DNER: variants seen among roughly 807,000 people sequenced by gnomAD.
DNER encodes the protein delta/notch like EGF repeat containing.
Under a neutral mutation model 78.2 loss-of-function variants are expected in DNER, and 33 were observed. The observed-to-expected ratio is 0.42, with a 90% CI of 0.32 to 0.56. The LOEUF (loss-of-function observed/expected upper bound fraction) is 0.56, where lower values mean the gene tolerates loss of function less well. Among genes scored for constraint, DNER ranks in the 20% least tolerant of loss-of-function variants. The pLI is 0.11. For missense variants in DNER, 918 were observed against 975.3 expected (o/e 0.94, Z 0.78); for synonymous variants, 417 against 384.8 (o/e 1.08, Z -0.98).
intron 8 of DNER, among the ~76,000 whole-genome samples, chr2:229,426,333 C>A (rs1021675393): frequency 6.6e-6 from 1 of 151,040 alleles, no homozygotes; most frequent in Non-Finnish European, 1.5e-5. Flanking sequence ...CCCAGCTACT[C>A]CAGAGGCTGA....
At chr2:229,387,521 A>G (rs760824276) in intron 11 of DNER, among the ~76,000 whole-genome samples, 2,349 of 115,494 alleles carry the variant, frequency 0.02, 14 homozygotes, top group Middle Eastern at 0.05. Flanking sequence ...GAAAGAAAGA[A>G]AGAAAGAAAG....
intron 6 of DNER, among the ~76,000 whole-genome samples, chr2:229,485,290 T>C (rs1695247732): frequency 6.6e-6 from 1 of 152,048 alleles, no homozygotes; most frequent in Non-Finnish European, 1.5e-5. Context: ...TGAAATACAG[T>C]CCCTGACATA....
intron 1 of DNER, among the ~76,000 whole-genome samples, chr2:229,605,439 T>A (rs769510667): frequency 1.3e-5 from 2 of 152,338 alleles, no homozygotes; most frequent in Non-Finnish European, 2.9e-5. Context: ...ACAGTACTGA[T>A]CATTCAAATT....
intron 4 of DNER, among the ~76,000 whole-genome samples, chr2:229,549,340 C>A (rs925655989): frequency 6.6e-6 from 1 of 152,202 alleles, no homozygotes; most frequent in South Asian, 2.1e-4. Context: ...GAGTCTCACT[C>A]TGTTGCCCAG....
intron 4 of DNER, among the ~76,000 whole-genome samples, chr2:229,585,056 G>C (rs1333931960): frequency 6.6e-6 from 1 of 152,124 alleles, no homozygotes; most frequent in Non-Finnish European, 1.5e-5. Flanking sequence ...GCCCCAAAGA[G>C]AGCTATAATC....
intron 1 of DNER, among the ~76,000 whole-genome samples, chr2:229,597,594 C>T (rs1697745380): frequency 1.3e-5 from 2 of 152,100 alleles, no homozygotes; most frequent in South Asian, 4.1e-4. Context: ...AAATGTAATA[C>T]ATGATATTTT....
chr2:229,474,097 G>C (rs936814546), intron 7 of DNER, among the ~76,000 whole-genome samples: 4 of 152,084 alleles, frequency 2.6e-5, no homozygotes, highest in Admixed American at 2.0e-4. Flanking sequence ...GTAGAGACAG[G>C]GTTTTGCCAT....
At chr2:229,617,522 C>A (rs952870641) in intron 1 of DNER, among the ~76,000 whole-genome samples, 1 of 151,644 alleles carries the variant, frequency 6.6e-6, no homozygotes, top group African/African-American at 2.4e-5. Context: ...TGGTTGTATC[C>A]TTTTCTATTT....
At chr2:229,579,597 T>C (rs1164410318) in intron 4 of DNER, among the ~76,000 whole-genome samples, 1 of 152,110 alleles carries the variant, frequency 6.6e-6, no homozygotes, top group Admixed American at 6.5e-5. Context: ...CAATGAGGTT[T>C]TGACTCTCTC....
chr2:229,595,912 T>C (rs1023365907), intron 1 of DNER, among the ~76,000 whole-genome samples: 3 of 152,226 alleles, frequency 2.0e-5, no homozygotes, highest in Non-Finnish European at 2.9e-5. Flanking sequence ...TTGTTTTAGA[T>C]TCAGGGAGTA....
intron 7 of DNER, among the ~76,000 whole-genome samples, chr2:229,466,080 G>T (rs1346473383): frequency 2.6e-5 from 4 of 151,962 alleles, no homozygotes; most frequent in African/African-American, 2.4e-5. Flanking sequence ...GTCCTCCCTG[G>T]ATCCATTCTT....
intron 5 of DNER, among the ~76,000 whole-genome samples, chr2:229,513,606 G>T (rs1471652707): frequency 6.6e-6 from 1 of 152,080 alleles, no homozygotes; most frequent in Non-Finnish European, 1.5e-5. Flanking sequence ...AACAAAACTG[G>T]GTTTCTGTCC....
chr2:229,544,754 G>A (rs753924489), intron 5 of DNER, among the ~76,000 whole-genome samples: 32 of 152,020 alleles, frequency 2.1e-4, no homozygotes, highest in Admixed American at 1.6e-3. Context: ...GGCTGGTCTC[G>A]AACTACTGAC....
intron 6 of DNER, among the ~76,000 whole-genome samples, chr2:229,503,727 A>T (rs982678439): frequency 5.3e-5 from 8 of 152,130 alleles, no homozygotes; most frequent in African/African-American, 1.9e-4. Context: ...TGAGTTATAC[A>T]TACTTTTTTG....
chr2:229,506,171 A>C (rs919718695), intron 6 of DNER, among the ~76,000 whole-genome samples: 2 of 114,420 alleles, frequency 1.7e-5, no homozygotes, highest in Non-Finnish European at 3.5e-5. Context: ...GGTTTAATTG[A>C]CTCACAGTTC....
intron 8 of DNER, among the ~76,000 whole-genome samples, chr2:229,431,173 A>T (rs1031389548): frequency 2.6e-5 from 4 of 152,208 alleles, no homozygotes; most frequent in Non-Finnish European, 5.9e-5. Flanking sequence ...TACAGTAAAA[A>T]CCAAACGACC....
chr2:229,410,258 G>A (rs933071860), intron 9 of DNER, among the ~76,000 whole-genome samples: 1 of 152,212 alleles, frequency 6.6e-6, no homozygotes, highest in East Asian at 1.9e-4. Flanking sequence ...GACTGTCATT[G>A]TCACGGAGTT....
At chr2:229,635,583 T>C (rs1698517372) in intron 1 of DNER, among the ~76,000 whole-genome samples, 2 of 152,086 alleles carry the variant, frequency 1.3e-5, no homozygotes, top group South Asian at 4.2e-4. Flanking sequence ...GAAGAGGAAG[T>C]TAGCCCATAG....
intron 9 of DNER, 63 bp downstream of exon 9, chr2:229,418,045 A>G (rs1574834426): frequency 6.2e-7 from 1 of 1,611,322 alleles, no homozygotes; most frequent in South Asian, 1.1e-5. Context: ...ATGCATTTAC[A>G]CTGAGAAATA....
Sources: gnomAD v4.1 joint callset for allele counts (sites outside exome capture counted in the v4.1 genomes callset) on GRCh38, gnomAD v4.1.1 for gene constraint, MANE v1.5 for transcripts, NCBI Gene and HGNC (gene_info 2026-07-23, HGNC 2026-07-21) for gene names.